The following ASMTL variants were observed in gnomAD, a reference collection of about 807,000 sequenced individuals.
ASMTL encodes probable bifunctional dTTP/UTP pyrophosphatase/methyltransferase protein.
ASMTL carries 57 observed loss-of-function variants against 60.3 expected under a neutral mutation model. The ratio of observed to expected loss-of-function variants is 0.95; its 90% CI spans 0.76 to 1.18. The LOEUF is 1.18. ASMTL is among the 50% of genes most tolerant of loss of function. The pLI, the probability that ASMTL is intolerant of heterozygous loss-of-function variation, is 0.00. For missense variants in ASMTL, 981 were observed against 852.6 expected (o/e 1.15, Z -1.88); for synonymous variants, 419 against 373.0 (o/e 1.12, Z -1.42).
At chrX:1,447,806 G>T (rs1411575909) in intron 1 of ASMTL, among the ~76,000 whole-genome samples, 4 of 151,080 alleles carry the variant, frequency 2.6e-5, no homozygotes, top group Admixed American at 2.6e-4. Context: ...CACCATCTTG[G>T]ACACACACAG....
chrX:1,410,449 G>A (rs1387019461), intron 12 of ASMTL, among the ~76,000 whole-genome samples: 3 of 151,100 alleles, frequency 2.0e-5, no homozygotes, highest in African/African-American at 4.9e-5. Flanking sequence ...GAGTCTTGCT[G>A]TGTTGCCCAG....
chrX:1,440,113 G>A (rs1433540467), intron 2 of ASMTL, among the ~76,000 whole-genome samples: 1 of 148,644 alleles, frequency 6.7e-6, no homozygotes, highest in African/African-American at 2.5e-5. Flanking sequence ...TTGAGATGGA[G>A]TCTCGCTCTG....
chrX:1,416,679 C>T (rs1406983184), intron 11 of ASMTL, among the ~76,000 whole-genome samples: 5 of 151,736 alleles, frequency 3.3e-5, no homozygotes, highest in East Asian at 1.9e-4. Context: ...CACACACAAA[C>T]GCAGATGCAG....
chrX:1,404,023 T>C (rs1414983488), intron 12 of ASMTL, among the ~76,000 whole-genome samples: 1 of 151,294 alleles, frequency 6.6e-6, no homozygotes, highest in Non-Finnish European at 1.5e-5. Flanking sequence ...GATGGGCAGG[T>C]AGACGGATGG....
In ASMTL at chrX:1,452,867, C is replaced by G. The variant is rs763238507; in HGVS notation, c.-27G>C. 7 of 1,522,406 alleles carry G rather than the reference C, an allele frequency of 4.6e-6. No individual in the cohort carries two copies. In the African/African-American group the frequency reaches 5.6e-5, roughly 12 times the overall value. The allele number at this position is 1,522,406 out of a possible 1,614,324, so 94.3% of individuals were successfully genotyped here. A position where few individuals can be genotyped will look rare whatever the true frequency, so the allele number is the denominator to read the frequency against. ...GCGTCCACGCCGGGAGCCGGGCGTC[C>G]GCACTTCTGAGCCCGGAGCCCGCGG... On this transcript the variant is annotated 5_prime_UTR_variant, in exon 1 of 13. Transcript: ENST00000381317.
intron 5 of ASMTL, among the ~76,000 whole-genome samples, chrX:1,434,794 CA>C (rs35102054): frequency 0.32 from 37,431 of 117,292 alleles, 5,026 homozygotes; most frequent in African/African-American, 0.41. Flanking sequence ...GACTCCATCT[CA>C]AAAAAAAAAA....
At position 1,427,909 on chromosome X, in the gene ASMTL, A is replaced by G; in HGVS notation, c.722T>C (p.Val241Ala). The G allele has an allele frequency of 6.2e-7, 1 of 1,613,156 alleles. No individual in the cohort carries two copies. The highest frequency in any genetic ancestry group is 8.5e-7 in the Non-Finnish European group (1 of 1,179,776). The change falls in exon 7 of 13, where the codon GTG becomes GCG. Residue 241 changes from valine (V) to alanine (A), a missense_variant. Physicochemically the swap from Val to Ala is moderately conservative, Grantham distance 64 (BLOSUM62 0). Coordinates refer to ENST00000381317, the MANE Select transcript of ASMTL (RefSeq NM_004192.4). ...AGTGGGCTCCGAGCCGCCCCCCTCC[A>G]CGTCACTGAGGTCTTCGAAGGTGTC... Reference protein sequence around the residue: ...AADTFEDLSDVEGGGSEPTQR... With the variant: ...AADTFEDLSDAEGGGSEPTQR...
At chrX:1,434,932 C>T (rs1358676937) in intron 5 of ASMTL, 90 bp downstream of exon 5, 10 of 1,433,594 alleles carry the variant, frequency 7.0e-6, no homozygotes, top group Admixed American at 5.4e-5. Flanking sequence ...GGTGAGCAAC[C>T]GTCCTCCTCC....
At chrX:1,415,141 A>G (rs1191520589) in intron 11 of ASMTL, among the ~76,000 whole-genome samples, 1 of 150,510 alleles carries the variant, frequency 6.6e-6, no homozygotes, top group Non-Finnish European at 1.5e-5. Context: ...GGGTTTCACC[A>G]TGTTGCTCTG....
At chrX:1,438,448 G>C in intron 3 of ASMTL, among the ~76,000 whole-genome samples, 1 of 152,344 alleles carries the variant, frequency 6.6e-6, no homozygotes, top group Non-Finnish European at 1.5e-5. Flanking sequence ...CTTCTCCTCA[G>C]TACCTCTGGA....
At chrX:1,414,928 C>G (rs111594027) in intron 11 of ASMTL, among the ~76,000 whole-genome samples, 7,774 of 105,222 alleles carry the variant, frequency 0.074, 728 homozygotes, top group African/African-American at 0.23. Context: ...AGCACGTCAG[C>G]TGTCTCTTTT....
Position 1,418,031 on chromosome X carries a change from C to A in ASMTL, c.1464G>T (p.Glu488Asp). 1 of 1,613,578 alleles carries A rather than the reference C, an allele frequency of 6.2e-7. No individual in the cohort carries two copies. Among genetic ancestry groups the A allele is most frequent in the Non-Finnish European group, 8.5e-7 (1 of 1,179,668 alleles). Residue 488 changes from glutamate to aspartate, a missense_variant, in exon 11 of 13, where the codon GAG (glutamate) becomes GAT (aspartate). Glu to Asp is a conservative substitution (Grantham distance 45). Coordinates refer to ENST00000381317, the MANE Select transcript of ASMTL (RefSeq NM_004192.4). ...VTVFDLPDII[E>D]LAAHFQPPGP... ...CGGGGGGTTGGAAGTGGGCGGCCAG[C>A]TCGATAATGTCTGGGAGGTCAAACA...
chrX:1,423,432 T>G (rs1351501616), intron 8 of ASMTL, among the ~76,000 whole-genome samples: 2 of 152,098 alleles, frequency 1.3e-5, no homozygotes, highest in Admixed American at 1.3e-4. Context: ...CCAGGTGTCA[T>G]CTGTTGTCCT....
chrX:1,432,425 C>T, intron 5 of ASMTL, 48 bp from the exon 6 acceptor site: 3 of 1,460,000 alleles, frequency 2.1e-6, no homozygotes, highest in South Asian at 1.2e-5. Flanking sequence ...AGCTTGTCAC[C>T]TCCGTGCCCT....
At chrX:1,439,240 G>C (rs1471028279) in intron 2 of ASMTL, 96 bp from the exon 3 acceptor site, 3 of 1,303,820 alleles carry the variant, frequency 2.3e-6, no homozygotes, top group Non-Finnish European at 3.3e-6. Flanking sequence ...CACCGCAGGG[G>C]CGAAGCCAGG....
intron 12 of ASMTL, among the ~76,000 whole-genome samples, chrX:1,405,846 G>A (rs2089808266): frequency 6.6e-6 from 1 of 151,646 alleles, no homozygotes; most frequent in Non-Finnish European, 1.5e-5. Context: ...TGGGTACATA[G>A]GTAGATGGAT....
At position 1,412,722 on chromosome X, in the gene ASMTL, GGGC is replaced by G. The variant is rs754003147; in HGVS notation, c.1645+7_1645+9del. On this transcript the variant is annotated splice_region_variant and intron_variant, in intron 12 of 12. Coordinates refer to ENST00000381317, the MANE Select transcript of ASMTL (RefSeq NM_004192.4). ...TAACAAAAACAGCTAACCTGACGAT[GGGC>G]TCTCACCTGGCTTGCAGCTCTCGGC... 1.4e-5 allele frequency: 23 copies of G among 1,613,816 alleles called. No homozygotes were observed. The highest frequency in any genetic ancestry group is 2.7e-5 in the African/African-American group (2 of 74,922).
chrX:1,436,964 G>A (rs1243743958), intron 3 of ASMTL, among the ~76,000 whole-genome samples: 1 of 152,220 alleles, frequency 6.6e-6, no homozygotes, highest in African/African-American at 2.4e-5. Context: ...CCAGGTGTGG[G>A]CAGGGCTGGT....
chrX:1,410,576 A>G (rs5948992), intron 12 of ASMTL, among the ~76,000 whole-genome samples: 132,179 of 151,966 alleles, frequency 0.87, 57,617 homozygotes, highest in Middle Eastern at 0.97. Flanking sequence ...ACTACGCCGG[A>G]CTAATTTTTG....
Sources: gnomAD v4.1 joint callset for allele counts (sites outside exome capture counted in the v4.1 genomes callset) on GRCh38, gnomAD v4.1.1 for gene constraint, MANE v1.5 for transcripts, NCBI Gene and HGNC (gene_info 2026-07-23, HGNC 2026-07-21) for gene names.